The following AGRN variants were observed in gnomAD, a reference collection of about 807,000 sequenced individuals.
The protein encoded by AGRN is agrin, also known as agrin proteoglycan.
In AGRN, 106 loss-of-function variants were observed where a neutral mutation model predicts 211.0. The ratio of observed to expected loss-of-function variants is 0.50; its 90% CI spans 0.43 to 0.59. The LOEUF is 0.59. Among genes scored for constraint, AGRN ranks in the 20% least tolerant of loss-of-function variants. AGRN has a pLI of 0.00. For missense variants in AGRN, 3,040 were observed against 2,982.6 expected (o/e 1.02, Z -0.45); for synonymous variants, 1,525 against 1,332.5 (o/e 1.14, Z -3.15).
chr1:1,035,538 C>A (rs776976313), intron 3 of AGRN, among the ~76,000 whole-genome samples: 3 of 152,262 alleles, frequency 2.0e-5, no homozygotes, highest in Admixed American at 6.5e-5. Context: ...TGGACCTCGG[C>A]TCTCACTTCT....
chr1:1,027,418 G>C (rs536896927), intron 2 of AGRN, among the ~76,000 whole-genome samples: 14 of 152,306 alleles, frequency 9.2e-5, no homozygotes, highest in Admixed American at 3.9e-4. Context: ...GGGTGACCCT[G>C]GCCTGTCCAG....
chr1:1,048,193 C>G lies in AGRN; in HGVS notation c.3933C>G (p.Pro1311=). 1 of 1,566,442 alleles carries G rather than the reference C, an allele frequency of 6.4e-7. No homozygotes were observed. The highest frequency in any genetic ancestry group is 8.6e-7 in the Non-Finnish European group (1 of 1,159,440). Reference sequence around the variant, plus strand: ...CAGCCCCCACCACACGTCGGCCCCCCACCACTGCCCCCAGCCGTGTGCCCG... The same window carrying G: ...CAGCCCCCACCACACGTCGGCCCCCGACCACTGCCCCCAGCCGTGTGCCCG... The part of the protein sequence containing the change: ...TTAAPTTRRP[P]TTAPSRVPGR... Residue 1311 remains proline, a synonymous_variant, in exon 23 of 36, where the codon CCC becomes CCG. Transcript: ENST00000379370. The surrounding 1 kb of genome is among the most constrained non-coding windows in gnomAD (Gnocchi z 5.9).
intron 13 of AGRN, 24 bp downstream of exon 13, chr1:1,045,301 A>T: frequency 6.2e-7 from 1 of 1,611,850 alleles, no homozygotes; most frequent in South Asian, 1.1e-5. Flanking sequence ...CTCAGCCCCG[A>T]CCCCGGGCCT....
chr1:1,034,962 T>C, intron 2 of AGRN: 1 of 481,548 alleles, frequency 2.1e-6, no homozygotes, highest in Non-Finnish European at 3.8e-6. Flanking sequence ...AGCCGGCAGT[T>C]GGGGGTAGGG....
Position 1,054,984 on chromosome 1 carries a change from T to C in AGRN, c.*3T>C. On this transcript the variant is annotated 3_prime_UTR_variant, in exon 36 of 36. Coordinates refer to ENST00000379370, the MANE Select transcript of AGRN (RefSeq NM_198576.4). ...TGCGGCCCTGCCCCACCCCATGAGC[T>C]GGCACCAGAGCCCCGCGCCCGCTGT... 6.5e-7 allele frequency: 1 copy of C among 1,548,584 alleles called. No individual in the cohort carries two copies. The highest frequency in any genetic ancestry group is 8.7e-7 in the Non-Finnish European group (1 of 1,147,006).
intron 27 of AGRN, 47 bp from the exon 28 acceptor site, chr1:1,050,186 G>A (rs776700201): frequency 1.2e-6 from 2 of 1,607,400 alleles, no homozygotes; most frequent in East Asian, 2.2e-5. Context: ...ATGGGGTGCA[G>A]GAGGCCCCGG....
chr1:1,055,250 A>C lies in AGRN; in HGVS notation c.*269A>C, dbSNP rs1645423234. The C allele has an allele frequency of 3.8e-6, 2 of 524,356 alleles. No homozygotes were observed. Among genetic ancestry groups the C allele is most frequent in the South Asian group, 4.0e-5 (2 of 50,336 alleles). The allele number at this position is 524,356 out of a possible 1,614,324, so 32.5% of individuals were successfully genotyped here. ...CCCCGCCTTGCACTGCGCCTGCCCC[A>C]CGGTGTCCCCGCCGGGAAGCAGCCC... On this transcript the variant is annotated 3_prime_UTR_variant, in exon 36 of 36. Coordinates refer to ENST00000379370, the MANE Select transcript of AGRN (RefSeq NM_198576.4).
chr1:1,046,732 G>A lies in AGRN; in HGVS notation c.3247G>A (p.Gly1083Arg). ...GDQEASGGGS[G>R]GLEPLEGSSV... Reference sequence around the variant, plus strand: ...CCAGGAGGCCAGTGGGGGTGGCTCTGGGGGTGAGCAGGGATCAAGGACTTG... The same window carrying A: ...CCAGGAGGCCAGTGGGGGTGGCTCTAGGGGTGAGCAGGGATCAAGGACTTG... The change falls in exon 18 of 36, where the codon GGG (glycine) becomes AGG (arginine). Residue 1083 changes from glycine (G) to arginine (R), a missense_variant. Physicochemically the swap from Gly to Arg is moderately radical, Grantham distance 125. Transcript: ENST00000379370. 6.3e-7 allele frequency: 1 copy of A among 1,581,218 alleles called. No homozygotes were observed.
chr1:1,051,408 C>T lies in AGRN; in HGVS notation c.5370+39C>T, dbSNP rs753962058. 2.4e-5 allele frequency: 14 copies of T among 589,550 alleles called. No individual in the cohort carries two copies. The East Asian group carries it at 2.7e-4, about 12-fold the overall frequency. The allele number at this position is 589,550 out of a possible 1,614,324, so 36.5% of individuals were successfully genotyped here. A position where few individuals can be genotyped will look rare whatever the true frequency, so the allele number is the denominator to read the frequency against. ...GGGCGTCCCAGCAGGGCCTCCGGGG[C>T]GGGCGGGGTGGCAGGCGGGACAAGG... On this transcript the variant is annotated intron_variant, in intron 31 of 35. Coordinates refer to ENST00000379370, the MANE Select transcript of AGRN (RefSeq NM_198576.4).
chr1:1,045,486 T>C lies in AGRN; in HGVS notation c.2499T>C (p.Phe833=), dbSNP rs753858864. The change falls in exon 14 of 36, where the codon TTT becomes TTC. Residue 833 remains phenylalanine, a synonymous_variant. Coordinates refer to ENST00000379370, the MANE Select transcript of AGRN (RefSeq NM_198576.4). ...CDRCEPGFWN[F]RGIVTDGRSG... is the part of the protein sequence containing the mutation. ...GCTGTGAGCCTGGCTTCTGGAACTT[T>C]CGAGGCATCGTCACCGATGGCCGGA... 40 of 1,612,862 alleles carry C rather than the reference T, an allele frequency of 2.5e-5. No individual in the cohort carries two copies. The highest frequency in any genetic ancestry group is 3.1e-5 in the Non-Finnish European group (36 of 1,179,964).
In AGRN at chr1:1,052,045, C is replaced by T. The variant is rs926407142; in HGVS notation, c.5651+230C>T. The T allele has an allele frequency of 1.6e-5, 24 of 1,499,156 alleles. No individual in the cohort carries two copies. In the Admixed American group the frequency reaches 3.3e-4, roughly 20 times the overall value. The allele number at this position is 1,499,156 out of a possible 1,614,324, so 92.9% of individuals were successfully genotyped here. A position where few individuals can be genotyped will look rare whatever the true frequency, so the allele number is the denominator to read the frequency against. ...AGTAGAGCTCGGCGCCCCCCGCTCC[C>T]TCTCACTCCCACTCCTCCATCCTTC... On this transcript the variant is annotated intron_variant, in intron 33 of 35. Coordinates refer to ENST00000379370, the MANE Select transcript of AGRN (RefSeq NM_198576.4).
chr1:1,041,154 G>A lies in AGRN; in HGVS notation c.728-19G>A, dbSNP rs759746835. On this transcript the variant is annotated intron_variant, in intron 4 of 35. Coordinates refer to ENST00000379370, the MANE Select transcript of AGRN (RefSeq NM_198576.4). ...GGGGGCGGGGGCGGCCCGTCTGACC[G>A]GCAAAGCCCCGCCCGCAGGCTCGCG... is the stretch of plus-strand genomic sequence containing the variant. 1.2e-5 allele frequency: 16 copies of A among 1,365,550 alleles called. No homozygotes were observed. The African/African-American group carries it at 2.5e-4, about 21-fold the overall frequency. 84.6% of individuals were successfully genotyped at this position (1,365,550 alleles called of 1,614,324 possible).
intron 2 of AGRN, among the ~76,000 whole-genome samples, chr1:1,033,222 T>C (rs1187773797): frequency 6.6e-6 from 1 of 151,866 alleles, no homozygotes; most frequent in African/African-American, 2.4e-5. Flanking sequence ...GAGGAGCCAC[T>C]GTCAATCCCC....
At chr1:1,020,847 C>G (rs867399665) in intron 1 of AGRN, among the ~76,000 whole-genome samples, 52 of 69,554 alleles carry the variant, frequency 7.5e-4, no homozygotes, top group South Asian at 1.2e-3. Flanking sequence ...CGCAGTGGTG[C>G]GGGGGGGGGG....
At position 1,053,996 on chromosome 1, in the gene AGRN, G is replaced by A. The variant is rs201545296; in HGVS notation, c.5876+19G>A. On this transcript the variant is annotated intron_variant, in intron 34 of 35. Coordinates refer to ENST00000379370, the MANE Select transcript of AGRN (RefSeq NM_198576.4). ...CACATAGGTGAGTAGGGAACCCAGC[G>A]TGCCGAGAATAGTGGCGAGGGCTGC... 76 of 1,577,960 alleles carry A rather than the reference G, an allele frequency of 4.8e-5. No homozygotes were observed. The South Asian group carries it at 6.1e-4, about 13-fold the overall frequency.
chr1:1,038,538 G>A (rs1644854277), intron 3 of AGRN, among the ~76,000 whole-genome samples: 1 of 152,264 alleles, frequency 6.6e-6, no homozygotes, highest in Admixed American at 6.5e-5. Context: ...ACTATGGAGG[G>A]AGCTGCGGGT....
At chr1:1,049,112 G>GGT in intron 24 of AGRN, 53 bp downstream of exon 24, 1 of 958,898 alleles carries the variant, frequency 1.0e-6, no homozygotes, top group South Asian at 1.9e-5. Context: ...GGGAGGGGAC[G>GGT]GGCGGGGGAG....
intron 14 of AGRN, 86 bp downstream of exon 14, chr1:1,045,609 G>C: frequency 6.2e-7 from 1 of 1,604,688 alleles, no homozygotes; most frequent in Non-Finnish European, 8.5e-7. Flanking sequence ...ACCTGCCCAG[G>C]CCCTGGCCTG....
At position 1,048,409 on chromosome 1, in the gene AGRN, G is replaced by C; in HGVS notation, c.4105+44G>C. On this transcript the variant is annotated intron_variant, in intron 23 of 35. Coordinates refer to ENST00000379370, the MANE Select transcript of AGRN (RefSeq NM_198576.4). The surrounding 1 kb of genome is among the most constrained non-coding windows in gnomAD (Gnocchi z 5.9). ...GAGGAGGGCGGGGAGGCAGCAGGGT[G>C]GGGGCAAGGATTGGGGGTGGGGCTA... is the stretch of plus-strand genomic sequence containing the variant. 2 of 1,329,276 alleles carry C rather than the reference G, an allele frequency of 1.5e-6. No homozygotes were observed. The highest frequency in any genetic ancestry group is 2.0e-6 in the Non-Finnish European group (2 of 996,104). The allele number at this position is 1,329,276 out of a possible 1,614,324, so 82.3% of individuals were successfully genotyped here.
Sources: allele counts gnomAD v4.1 joint callset (sites outside exome capture counted in the v4.1 genomes callset), GRCh38; gene constraint gnomAD v4.1.1; non-coding constraint Gnocchi (gnomAD v3.1); transcripts MANE v1.5; gene names NCBI Gene and HGNC (gene_info 2026-07-23, HGNC 2026-07-21).